The following SSBP2 variants were observed in gnomAD, a reference collection of about 807,000 sequenced individuals.
The protein encoded by SSBP2 is single stranded DNA binding protein 2.
In SSBP2, 17 loss-of-function variants were observed where a neutral mutation model predicts 61.8. That is an observed-to-expected ratio of 0.28 (90% CI 0.19 to 0.41). SSBP2 has a LOEUF of 0.41. SSBP2 is among the 10% of genes least tolerant of loss of function. The probability of loss-of-function intolerance (pLI) is 1.00; values close to 1 mark genes in which losing one functional copy is unlikely to be tolerated. For synonymous variants in SSBP2, 139 were observed against 141.3 expected (o/e 0.98, Z 0.12); for missense variants, 310 against 458.7 (o/e 0.68, Z 2.96).
intron 4 of SSBP2, among the ~76,000 whole-genome samples, chr5:81,546,489 G>A (rs1206475465): frequency 1.3e-5 from 2 of 151,888 alleles, no homozygotes; most frequent in Non-Finnish European, 2.9e-5. Context: ...GCTGCTGCCA[G>A]AAGGCATATA....
chr5:81,515,911 T>C (rs1480418283), intron 4 of SSBP2, among the ~76,000 whole-genome samples: 2 of 151,922 alleles, frequency 1.3e-5, no homozygotes, highest in Admixed American at 1.3e-4. Flanking sequence ...ATAAATTCAA[T>C]AAGAATACTG....
intron 4 of SSBP2, among the ~76,000 whole-genome samples, chr5:81,599,785 G>A (rs1744157880): frequency 6.6e-6 from 1 of 152,166 alleles, no homozygotes; most frequent in South Asian, 2.1e-4. Context: ...ATGCAGAGGG[G>A]AATGAGGCCT....
At chr5:81,480,652 C>T (rs547220237) in intron 6 of SSBP2, among the ~76,000 whole-genome samples, 1 of 152,234 alleles carries the variant, frequency 6.6e-6, no homozygotes, top group African/African-American at 2.4e-5. Flanking sequence ...GAAATCCACC[C>T]GCCTTGGCCT....
chr5:81,440,471 GA>G (rs1762959454), intron 14 of SSBP2, 86 bp downstream of exon 14: 1 of 1,121,250 alleles, frequency 8.9e-7, no homozygotes, highest in African/African-American at 1.6e-5. Flanking sequence ...GCTGGCTATG[GA>G]AGAACTTTGG....
At chr5:81,420,657 C>T (rs1761545522) in intron 16 of SSBP2, 124 bp from the exon 17 acceptor site, 1 of 749,678 alleles carries the variant, frequency 1.3e-6, no homozygotes, top group Non-Finnish European at 2.2e-6. Flanking sequence ...AGCTTTTCAT[C>T]TCATACAACA....
At chr5:81,656,098 C>T (rs1750184399) in intron 1 of SSBP2, among the ~76,000 whole-genome samples, 1 of 152,024 alleles carries the variant, frequency 6.6e-6, no homozygotes, top group African/African-American at 2.4e-5. Flanking sequence ...CAGGCTGTGC[C>T]AGGAGTGCAG....
At chr5:81,671,158 A>C (rs1055809383) in intron 1 of SSBP2, among the ~76,000 whole-genome samples, 2 of 152,154 alleles carry the variant, frequency 1.3e-5, no homozygotes, top group Admixed American at 6.6e-5. Flanking sequence ...CCAATTCATG[A>C]AAAACCCAGG....
At chr5:81,662,881 A>C (rs1375503320) in intron 1 of SSBP2, among the ~76,000 whole-genome samples, 1 of 152,170 alleles carries the variant, frequency 6.6e-6, no homozygotes, top group African/African-American at 2.4e-5. Context: ...ATATGAACAA[A>C]ATCCATTACA....
intron 3 of SSBP2, among the ~76,000 whole-genome samples, chr5:81,622,036 GCATGGCA>G (rs914872163): frequency 6.8e-6 from 1 of 146,778 alleles, no homozygotes; most frequent in African/African-American, 2.5e-5. Context: ...CAGCGCAGCA[GCATGGCA>G]CATGTATACA....
chr5:81,674,342 A>T (rs972393200), intron 1 of SSBP2, among the ~76,000 whole-genome samples: 78 of 152,166 alleles, frequency 5.1e-4, no homozygotes, highest in Non-Finnish European at 1.3e-4. Context: ...AAATATTAAG[A>T]AGATAAACTC....
chr5:81,534,125 T>C (rs571237281), intron 4 of SSBP2, among the ~76,000 whole-genome samples: 1 of 152,016 alleles, frequency 6.6e-6, no homozygotes, highest in East Asian at 1.9e-4. Flanking sequence ...ACCTATGGAG[T>C]AGTGTGAGGT....
chr5:81,518,729 T>C (rs140666334), intron 4 of SSBP2, among the ~76,000 whole-genome samples: 1 of 152,108 alleles, frequency 6.6e-6, no homozygotes, highest in East Asian at 1.9e-4. Context: ...CAGTAAAATA[T>C]TTTGGCTATT....
intron 5 of SSBP2, among the ~76,000 whole-genome samples, chr5:81,506,050 G>A (rs12188888): frequency 0.7 from 106,292 of 151,922 alleles, 39,129 homozygotes; most frequent in African/African-American, 0.92. Flanking sequence ...ATTCAAGCTG[G>A]GCAGTTTTAA....
At chr5:81,527,313 G>A (rs1382026113) in intron 4 of SSBP2, among the ~76,000 whole-genome samples, 1 of 152,026 alleles carries the variant, frequency 6.6e-6, no homozygotes, top group African/African-American at 2.4e-5. Flanking sequence ...GAAAAGTGGA[G>A]GAACTTGGGC....
intron 4 of SSBP2, among the ~76,000 whole-genome samples, chr5:81,597,751 C>T (rs1324036843): frequency 1.3e-5 from 2 of 150,422 alleles, no homozygotes; most frequent in East Asian, 1.9e-4. Flanking sequence ...AGCAAACTAT[C>T]GCAAGGACAA....
chr5:81,511,859 A>G (rs1270732824), intron 5 of SSBP2, among the ~76,000 whole-genome samples: 1 of 152,242 alleles, frequency 6.6e-6, no homozygotes, highest in Non-Finnish European at 1.5e-5. Context: ...AGTAGTACTC[A>G]AATATTTATC....
intron 5 of SSBP2, among the ~76,000 whole-genome samples, chr5:81,505,418 A>C (rs780012543): frequency 2.0e-5 from 3 of 152,218 alleles, no homozygotes; most frequent in Non-Finnish European, 4.4e-5. Flanking sequence ...GCTTAAGACA[A>C]ATCTATTCCC....
At chr5:81,636,687 T>C (rs773093997) in intron 2 of SSBP2, 69 bp from the exon 3 acceptor site, 11 of 1,133,400 alleles carry the variant, frequency 9.7e-6, no homozygotes, top group Admixed American at 2.1e-5. Flanking sequence ...AAAGTAATAA[T>C]ATCCCCATTT....
intron 15 of SSBP2, among the ~76,000 whole-genome samples, chr5:81,435,768 A>T (rs1428169726): frequency 2.0e-5 from 3 of 152,228 alleles, no homozygotes. Context: ...GCCTAAAACT[A>T]TCTTGATGAT....
Sources: allele counts gnomAD v4.1 joint callset (sites outside exome capture counted in the v4.1 genomes callset), GRCh38; gene constraint gnomAD v4.1.1; transcripts MANE v1.5; gene names NCBI Gene and HGNC (gene_info 2026-07-23, HGNC 2026-07-21).